The following DENND1C variants were observed in gnomAD, a reference collection of about 807,000 sequenced individuals.
The protein encoded by DENND1C is DENN domain-containing protein 1C.
Under a neutral mutation model 87.9 loss-of-function variants are expected in DENND1C, and 64 were observed. The ratio of observed to expected loss-of-function variants is 0.73; its 90% CI spans 0.60 to 0.90. DENND1C has a LOEUF of 0.90. Ranked by LOEUF, DENND1C falls within the 40% of genes least tolerant of loss-of-function variation. The probability of loss-of-function intolerance (pLI) is 0.00; values close to 1 mark genes in which losing one functional copy is unlikely to be tolerated. For synonymous variants in DENND1C, 384 were observed against 424.4 expected (o/e 0.90, Z 1.17); for missense variants, 980 against 1,037.0 (o/e 0.95, Z 0.76).
intron 6 of DENND1C, among the ~76,000 whole-genome samples, chr19:6,477,990 G>A (rs2092873096): frequency 2.0e-5 from 3 of 151,526 alleles, no homozygotes; most frequent in Non-Finnish European, 2.9e-5. Flanking sequence ...CGGAAGAATC[G>A]CCTGAACCCG....
At chr19:6,469,064 T>G in intron 19 of DENND1C, 111 bp from the exon 20 acceptor site, 1 of 627,444 alleles carries the variant, frequency 1.6e-6, no homozygotes, top group Non-Finnish European at 2.4e-6. Context: ...GAAGCTTCAC[T>G]CATGTTGCCC....
chr19:6,467,580 G>C lies in DENND1C; in HGVS notation c.2330C>G (p.Pro777Arg). 1 of 1,601,454 alleles carries C rather than the reference G, an allele frequency of 6.2e-7. No individual in the cohort carries two copies. Reference sequence around the variant, plus strand: ...CTGGGACTTTTGACAGTTGCTGGTGGGTGTAGCAGGGGAATTCAGGGCTCC... The same window carrying C: ...CTGGGACTTTTGACAGTTGCTGGTGCGTGTAGCAGGGGAATTCAGGGCTCC... The part of the protein sequence containing the change: ...EPGALNSPAT[P>R]TSNCQKSQPS... The change falls in exon 23 of 23, where the codon CCC becomes CGC. Residue 777 changes from proline to arginine, a missense_variant. By Grantham distance (103) the Pro-to-Arg change is moderately radical. Coordinates refer to ENST00000381480, the MANE Select transcript of DENND1C (RefSeq NM_024898.4).
rs1369686205 is a variant in DENND1C, at chr19:6,469,612, C to T, written c.1391G>A (p.Ser464Asn). 6.2e-7 allele frequency: 1 copy of T among 1,605,404 alleles called. No homozygotes were observed. ...SAKSGLKGVQ[S>N]LLMYKDGDSV... ...TGATCTTACCTTATACATTAGAAGG[C>T]TCTGCACCCCCTTCAAGCCACTCTT... is the stretch of plus-strand genomic sequence containing the variant. The change falls in exon 19 of 23, where the codon AGC becomes AAC. Residue 464 changes from serine to asparagine, a missense_variant. By Grantham distance (46) the Ser-to-Asn change is conservative (BLOSUM62 1). Transcript: ENST00000381480.
rs765564058 is a variant in DENND1C at position 6,476,908 on chromosome 19, C to T, written c.627G>A (p.Ala209=). ...VTDENIVGLF[A]ALLAERRVLL... ...GGACTCTTCTCTCGGCCAGGAGCGC[C>T]GCGAACAGCCCCACGATGTTCTCGT... The change falls in exon 10 of 23, where the codon GCG becomes GCA. Residue 209 remains alanine (A), a synonymous_variant. Transcript: ENST00000381480. 3.7e-5 allele frequency: 60 copies of T among 1,613,292 alleles called. No homozygotes were observed. In the South Asian group the frequency reaches 5.9e-4, roughly 16 times the overall value.
At position 6,477,299 on chromosome 19, in the gene DENND1C, G is replaced by C. The variant is rs747135540; in HGVS notation, c.448-16C>G. ...CTCCGCTGCCCTGGGGAAGAGGCAC[G>C]ACTCTGTGGTCATGATGGCTGGGAC... On this transcript the variant is annotated splice_polypyrimidine_tract_variant and intron_variant, in intron 7 of 22. Coordinates refer to ENST00000381480, the MANE Select transcript of DENND1C (RefSeq NM_024898.4). The C allele has an allele frequency of 6.3e-6, 10 of 1,596,828 alleles. No homozygotes were observed. Among genetic ancestry groups the C allele is most frequent in the Non-Finnish European group, 8.6e-6 (10 of 1,167,680 alleles).
chr19:6,477,761 T>A (rs1232906274), intron 6 of DENND1C, among the ~76,000 whole-genome samples: 1 of 147,878 alleles, frequency 6.8e-6, no homozygotes, highest in Admixed American at 6.7e-5. Flanking sequence ...TTAAATTTTT[T>A]AATTTAAATT....
chr19:6,475,536 G>A lies in DENND1C; in HGVS notation c.875C>T (p.Ala292Val). The change falls in exon 13 of 23, where the codon GCC becomes GTC. Residue 292 changes from alanine (A) to valine (V), a missense_variant. Transcript: ENST00000381480. ...LEDVVVLNVD[A>V]NTLETTFNDV... ...GTTAAAGGTCGTCTCCAAGGTATTG[G>A]CGTCCACGTTCAGCACCACGACGTC... 2 of 1,613,956 alleles carry A rather than the reference G, an allele frequency of 1.2e-6. No individual in the cohort carries two copies. Among genetic ancestry groups the A allele is most frequent in the South Asian group, 1.1e-5 (1 of 91,086 alleles).
At chr19:6,476,735 G>T (rs2092863139) in intron 10 of DENND1C, 122 bp downstream of exon 10, 1 of 1,014,100 alleles carries the variant, frequency 9.9e-7, no homozygotes, top group South Asian at 1.7e-5. Flanking sequence ...AAGGGGCGGG[G>T]CCAGGACTTC....
intron 1 of DENND1C, chr19:6,480,365 A>G (rs1913467093): frequency 3.8e-6 from 5 of 1,301,254 alleles, no homozygotes; most frequent in South Asian, 1.7e-5. Flanking sequence ...TGTCTGCCTG[A>G]AAAGATGAGA....
Position 6,470,290 on chromosome 19 carries a change from C to G in DENND1C, c.1362+5G>C, listed in dbSNP as rs1157326206. 11 of 1,605,688 alleles carry G rather than the reference C, an allele frequency of 6.9e-6. No individual in the cohort carries two copies. Among genetic ancestry groups the G allele is most frequent in the Non-Finnish European group, 9.3e-6 (11 of 1,176,536 alleles). ...GCAAGAGTGGCCTGTCCAGCTCAGCCTCACCGAGCGGTACATGTTCTTGAC... is the reference window on the plus strand; with the variant it reads ...GCAAGAGTGGCCTGTCCAGCTCAGCGTCACCGAGCGGTACATGTTCTTGAC... On this transcript the variant is annotated splice_donor_5th_base_variant and intron_variant, in intron 18 of 22. Transcript: ENST00000381480.
intron 1 of DENND1C, chr19:6,480,433 C>T (rs1247341692): frequency 9.2e-7 from 1 of 1,091,880 alleles, no homozygotes; most frequent in African/African-American, 1.6e-5. Flanking sequence ...CCCGTGCAGT[C>T]CCAAGCTAAG....
rs896358901 is a variant in DENND1C, at chr19:6,477,248, G to A, written c.483C>T (p.Ile161=). ...SGVTVSSGQG[I]PPPTRGNSKP... is the part of the protein sequence containing the mutation. ...TGCTATTCCCCCGGGTAGGGGGGGG[G>A]ATACCCTGCCCGCTGGAGACCGTCA... Residue 161 remains isoleucine, a synonymous_variant, in exon 8 of 23, where the codon ATC becomes ATT. Coordinates refer to ENST00000381480, the MANE Select transcript of DENND1C (RefSeq NM_024898.4). 3 of 1,583,744 alleles carry A rather than the reference G, an allele frequency of 1.9e-6. No homozygotes were observed. Among genetic ancestry groups the A allele is most frequent in the Admixed American group, 3.6e-5 (2 of 55,330 alleles).
intron 7 of DENND1C, 37 bp downstream of exon 7, chr19:6,477,341 C>T: frequency 2.5e-6 from 4 of 1,612,212 alleles, no homozygotes; most frequent in Non-Finnish European, 3.4e-6. Flanking sequence ...TTCCCATCCA[C>T]CTAAGGTCCA....
At chr19:6,480,449 T>C in intron 1 of DENND1C, 3 of 985,046 alleles carry the variant, frequency 3.0e-6, no homozygotes, top group Non-Finnish European at 3.6e-6. Context: ...CTAAGTGAAT[T>C]ACATCTCTCT....
chr19:6,468,096 G>A lies in DENND1C; in HGVS notation c.1814C>T (p.Pro605Leu). The change falls in exon 23 of 23, where the codon CCA becomes CTA. Residue 605 changes from proline to leucine, a missense_variant. Physicochemically the swap from Pro to Leu is moderately conservative, Grantham distance 98. Transcript: ENST00000381480. Reference protein sequence around the residue: ...FSLPNIPRWQPDDKKLPEPEP... With the variant: ...FSLPNIPRWQLDDKKLPEPEP... ...CGGCTCTGGTAGTTTCTTATCGTCTGGTTGCCATCTTGGTATGTTGGGCTA... is the reference window on the plus strand; with the variant it reads ...CGGCTCTGGTAGTTTCTTATCGTCTAGTTGCCATCTTGGTATGTTGGGCTA... The A allele has an allele frequency of 3.7e-6, 6 of 1,613,648 alleles. No individual in the cohort carries two copies. The highest frequency in any genetic ancestry group is 5.1e-6 in the Non-Finnish European group (6 of 1,179,736).
chr19:6,473,783 G>A (rs1412265640), intron 14 of DENND1C, among the ~76,000 whole-genome samples: 9 of 134,082 alleles, frequency 6.7e-5, no homozygotes, highest in Admixed American at 8.2e-5. Flanking sequence ...GAGTAAGGTG[G>A]AAGCCCGGGA....
intron 17 of DENND1C, among the ~76,000 whole-genome samples, chr19:6,470,804 TAG>T (rs763969246): frequency 1.1e-4 from 16 of 151,196 alleles, no homozygotes; most frequent in African/African-American, 1.2e-4. Flanking sequence ...GTATTTTTAG[TAG>T]AGAGAGAGTT....
At chr19:6,481,533 G>A (rs1913566545) in intron 1 of DENND1C, 146 bp downstream of exon 1, 4 of 1,120,840 alleles carry the variant, frequency 3.6e-6, no homozygotes, top group Non-Finnish European at 3.8e-6. Context: ...TCATAGCGGA[G>A]GCCCATGGAG....
chr19:6,479,856 T>C lies in DENND1C; in HGVS notation c.126+3A>G. On this transcript the variant is annotated splice_donor_region_variant and intron_variant, in intron 3 of 22. Transcript: ENST00000381480. ...TGGGGGAGCAAGGAGCCAGCCTGAA[T>C]ACCTGGTCCCTGAAGTCTGGAGGGA... is the stretch of plus-strand genomic sequence containing the variant. 2 of 1,611,516 alleles carry C rather than the reference T, an allele frequency of 1.2e-6. No individual in the cohort carries two copies. The highest frequency in any genetic ancestry group is 1.7e-6 in the Non-Finnish European group (2 of 1,178,838).
Sources: allele counts gnomAD v4.1 joint callset (sites outside exome capture counted in the v4.1 genomes callset), GRCh38; gene constraint gnomAD v4.1.1; transcripts MANE v1.5; gene names NCBI Gene and HGNC (gene_info 2026-07-23, HGNC 2026-07-21).